IQUB: variants seen among roughly 807,000 people sequenced by gnomAD.
The protein encoded by IQUB is IQ motif and ubiquitin-like domain-containing protein.
Under a neutral mutation model 86.4 loss-of-function variants are expected in IQUB, and 86 were observed. That is an observed-to-expected ratio of 1.00 (90% CI 0.84 to 1.19). IQUB has a LOEUF of 1.19. IQUB is among the 50% of genes most tolerant of loss of function. IQUB has a pLI of 0.00. For synonymous variants in IQUB, 289 were observed against 304.5 expected (o/e 0.95, Z 0.53); for missense variants, 946 against 916.9 (o/e 1.03, Z -0.41).
intron 1 of IQUB, among the ~76,000 whole-genome samples, chr7:123,522,016 G>T (rs1796928365): frequency 6.6e-6 from 1 of 152,072 alleles, no homozygotes; most frequent in South Asian, 2.1e-4. Context: ...ACTTCTTGTT[G>T]AAAGAAGCAA....
At position 123,461,339 on chromosome 7, in the gene IQUB, A is replaced by G; in HGVS notation, c.2007+18T>C. On this transcript the variant is annotated intron_variant, in intron 11 of 12. Transcript: ENST00000324698. ...TTGACAAGCTTCAGCTATAATTGGC[A>G]CCCCTTATTGACCATACCTGCATCA... The G allele has an allele frequency of 1.9e-6, 3 of 1,584,400 alleles. No individual in the cohort carries two copies. The highest frequency in any genetic ancestry group is 2.7e-5 in the African/African-American group (2 of 73,936).
At chr7:123,478,136 C>A (rs1794827480) in intron 8 of IQUB, among the ~76,000 whole-genome samples, 1 of 152,152 alleles carries the variant, frequency 6.6e-6, no homozygotes, top group Admixed American at 6.5e-5. Flanking sequence ...AAGACACATG[C>A]ACATGTATGT....
At chr7:123,479,684 C>T in intron 8 of IQUB, 111 bp downstream of exon 8, 1 of 787,562 alleles carries the variant, frequency 1.3e-6, no homozygotes, top group Non-Finnish European at 2.0e-6. Flanking sequence ...CATCAAAATC[C>T]TAAACAAAAT....
intron 1 of IQUB, among the ~76,000 whole-genome samples, chr7:123,532,220 C>A (rs1035556729): frequency 6.6e-6 from 1 of 152,152 alleles, no homozygotes; most frequent in Non-Finnish European, 1.5e-5. Context: ...TCATTGCTTT[C>A]TAATAAAAAT....
At chr7:123,504,141 G>C in intron 3 of IQUB, among the ~76,000 whole-genome samples, 1 of 152,046 alleles carries the variant, frequency 6.6e-6, no homozygotes, top group East Asian at 1.9e-4. Context: ...ACCTGAGACT[G>C]CATAATTTAT....
At chr7:123,463,850 A>T (rs1164461707) in intron 10 of IQUB, among the ~76,000 whole-genome samples, 2 of 151,834 alleles carry the variant, frequency 1.3e-5, no homozygotes, top group Non-Finnish European at 3.0e-5. Flanking sequence ...CTCCAAATAT[A>T]AACTGAATAA....
chr7:123,455,891 C>T (rs927853561), intron 12 of IQUB, among the ~76,000 whole-genome samples: 2 of 152,110 alleles, frequency 1.3e-5, no homozygotes, highest in African/African-American at 4.8e-5. Flanking sequence ...ATCTGCTCCA[C>T]TTAAAGTTCA....
chr7:123,514,579 T>C (rs1003319763), intron 1 of IQUB, among the ~76,000 whole-genome samples: 1 of 152,210 alleles, frequency 6.6e-6, no homozygotes, highest in African/African-American at 2.4e-5. Flanking sequence ...CTCAAATCCT[T>C]ACACTGTTTA....
At chr7:123,502,778 A>G in intron 5 of IQUB, 26 bp from the exon 6 acceptor site, 1 of 1,541,246 alleles carries the variant, frequency 6.5e-7, no homozygotes, top group Non-Finnish European at 8.8e-7. Flanking sequence ...AAAAATTTAA[A>G]TCAGTATCCC....
chr7:123,476,730 G>A (rs1794760170), intron 8 of IQUB, among the ~76,000 whole-genome samples: 1 of 151,472 alleles, frequency 6.6e-6, no homozygotes, highest in African/African-American at 2.4e-5. Flanking sequence ...CCTGTCTCAT[G>A]ACATCCTCCC....
At chr7:123,463,249 A>AAAC (rs1794087567) in intron 10 of IQUB, among the ~76,000 whole-genome samples, 1 of 151,746 alleles carries the variant, frequency 6.6e-6, no homozygotes, top group Non-Finnish European at 1.5e-5. Flanking sequence ...TTTTTAAAGT[A>AAAC]AACATGCATT....
At chr7:123,507,311 A>T (rs1345595537) in intron 3 of IQUB, among the ~76,000 whole-genome samples, 1 of 152,232 alleles carries the variant, frequency 6.6e-6, no homozygotes, top group Non-Finnish European at 1.5e-5. Flanking sequence ...CAACACTTAT[A>T]AAAGAGTCCT....
At chr7:123,460,885 T>C (rs1429060696) in intron 11 of IQUB, among the ~76,000 whole-genome samples, 7 of 151,558 alleles carry the variant, frequency 4.6e-5, no homozygotes, top group Non-Finnish European at 1.5e-5. Context: ...CAATGATTCA[T>C]CCAAAAGAAC....
intron 3 of IQUB, among the ~76,000 whole-genome samples, chr7:123,509,020 ACAAT>A (rs1796306055): frequency 1.3e-5 from 2 of 152,208 alleles, no homozygotes; most frequent in Admixed American, 6.5e-5. Flanking sequence ...TCAAGTTTTA[ACAAT>A]CACTTATCTG....
chr7:123,528,587 G>A (rs1409148340), intron 1 of IQUB, among the ~76,000 whole-genome samples: 1 of 152,096 alleles, frequency 6.6e-6, no homozygotes, highest in Non-Finnish European at 1.5e-5. Flanking sequence ...AGGAGTCCAT[G>A]GGGGATTGGG....
intron 8 of IQUB, among the ~76,000 whole-genome samples, chr7:123,476,866 A>C (rs181657191): frequency 1.3e-5 from 2 of 152,168 alleles, no homozygotes; most frequent in East Asian, 3.9e-4. Flanking sequence ...AGGTATTAGG[A>C]ATCCAACTTA....
At chr7:123,458,652 T>G (rs979047200) in intron 11 of IQUB, among the ~76,000 whole-genome samples, 1 of 152,048 alleles carries the variant, frequency 6.6e-6, no homozygotes, top group Non-Finnish European at 1.5e-5. Context: ...GTTGCTCAAC[T>G]GTACTAATAA....
chr7:123,464,023 A>C (rs1487299990), intron 10 of IQUB, among the ~76,000 whole-genome samples: 1 of 151,750 alleles, frequency 6.6e-6, no homozygotes, highest in Non-Finnish European at 1.5e-5. Context: ...AAATTAAACA[A>C]TTTTTATTCT....
chr7:123,530,942 G>A (rs1797513605), intron 1 of IQUB, among the ~76,000 whole-genome samples: 1 of 152,072 alleles, frequency 6.6e-6, no homozygotes, highest in Non-Finnish European at 1.5e-5. Context: ...CACCCAAAAT[G>A]CTGGGATTAG....
Sources: gnomAD v4.1 joint callset for allele counts (sites outside exome capture counted in the v4.1 genomes callset) on GRCh38, gnomAD v4.1.1 for gene constraint, MANE v1.5 for transcripts, NCBI Gene and HGNC (gene_info 2026-07-23, HGNC 2026-07-21) for gene names.